The following TNIK variants were observed in gnomAD, a reference collection of about 807,000 sequenced individuals.
TNIK encodes TRAF2 and NCK interacting kinase, also known as TRAF2 and NCK-interacting protein kinase.
A neutral mutation model predicts 191.3 loss-of-function variants in TNIK; 49 were observed. The observed-to-expected ratio is 0.26, with a 90% CI of 0.20 to 0.32. TNIK has a LOEUF of 0.32. Among genes scored for constraint, TNIK ranks in the 10% least tolerant of loss-of-function variants. The probability of loss-of-function intolerance (pLI) is 1.00; values close to 1 mark genes in which losing one functional copy is unlikely to be tolerated. For missense variants in TNIK, 1,155 were observed against 1,702.3 expected (o/e 0.68, Z 5.66); for synonymous variants, 594 against 600.9 (o/e 0.99, Z 0.17).
intron 3 of TNIK, among the ~76,000 whole-genome samples, chr3:171,216,290 A>ATT (rs1468445479): frequency 6.6e-6 from 1 of 152,240 alleles, no homozygotes; most frequent in African/African-American, 2.4e-5. Context: ...CAAAAACTAA[A>ATT]TTTTTAAAAT....
intron 2 of TNIK, among the ~76,000 whole-genome samples, chr3:171,306,559 A>C (rs996518495): frequency 6.6e-6 from 1 of 152,182 alleles, no homozygotes; most frequent in African/African-American, 2.4e-5. Context: ...AATTTAAAGA[A>C]GAAAAACTAA....
At chr3:171,105,222 G>A (rs1157045264) in intron 21 of TNIK, among the ~76,000 whole-genome samples, 1 of 152,208 alleles carries the variant, frequency 6.6e-6, no homozygotes, top group Non-Finnish European at 1.5e-5. Context: ...TATGAATGGA[G>A]AAGGGAGAAA....
At chr3:171,336,663 T>C (rs1756981865) in intron 2 of TNIK, among the ~76,000 whole-genome samples, 2 of 152,166 alleles carry the variant, frequency 1.3e-5, no homozygotes, top group Admixed American at 6.5e-5. Context: ...ATAAGTGTCC[T>C]TGGGATCAGT....
chr3:171,184,041 G>A (rs868181259), intron 7 of TNIK, among the ~76,000 whole-genome samples: 1 of 151,564 alleles, frequency 6.6e-6, no homozygotes, highest in South Asian at 2.1e-4. Flanking sequence ...CCAAGTGGTG[G>A]ACACTGTATT....
intron 1 of TNIK, among the ~76,000 whole-genome samples, chr3:171,424,688 A>G (rs1424823676): frequency 6.6e-5 from 10 of 152,214 alleles, no homozygotes; most frequent in South Asian, 6.2e-4. Context: ...TTGTAGGAAC[A>G]TGGATGAAGC....
intron 2 of TNIK, among the ~76,000 whole-genome samples, chr3:171,244,918 A>C (rs1218791320): frequency 6.6e-6 from 1 of 151,942 alleles, no homozygotes; most frequent in African/African-American, 2.4e-5. Flanking sequence ...AAATTACTAC[A>C]AGATTATGAA....
At chr3:171,171,348 A>G (rs1041443995) in intron 9 of TNIK, among the ~76,000 whole-genome samples, 4 of 152,152 alleles carry the variant, frequency 2.6e-5, no homozygotes, top group African/African-American at 9.7e-5. Context: ...CCCACCAAGA[A>G]TCAGAACTGG....
At chr3:171,081,708 T>C (rs75722194) in intron 27 of TNIK, among the ~76,000 whole-genome samples, 2 of 151,310 alleles carry the variant, frequency 1.3e-5, no homozygotes, top group Admixed American at 6.6e-5. Flanking sequence ...TTTTTTTTTT[T>C]CCTATATAAG....
chr3:171,180,302 G>A (rs746683742), intron 7 of TNIK, among the ~76,000 whole-genome samples: 100 of 152,032 alleles, frequency 6.6e-4, no homozygotes, highest in Non-Finnish European at 1.2e-3. Flanking sequence ...TGTTCTCAAC[G>A]AGGACCCCTG....
intron 9 of TNIK, among the ~76,000 whole-genome samples, chr3:171,174,408 C>T (rs899367147): frequency 6.6e-6 from 1 of 152,138 alleles, no homozygotes; most frequent in African/African-American, 2.4e-5. Context: ...GAATTGACCT[C>T]AGACCATGAG....
At chr3:171,385,097 C>T (rs750099098) in intron 1 of TNIK, among the ~76,000 whole-genome samples, 7 of 152,040 alleles carry the variant, frequency 4.6e-5, no homozygotes, top group Non-Finnish European at 1.0e-4. Context: ...GAAGGGCACA[C>T]GGAGGTCAAA....
intron 2 of TNIK, among the ~76,000 whole-genome samples, chr3:171,276,547 G>A (rs1174191486): frequency 1.3e-5 from 2 of 152,158 alleles, no homozygotes; most frequent in African/African-American, 4.8e-5. Context: ...AAACTATAAT[G>A]ATCATTAGCT....
At chr3:171,250,444 G>A (rs2109079590) in intron 2 of TNIK, among the ~76,000 whole-genome samples, 1 of 152,222 alleles carries the variant, frequency 6.6e-6, no homozygotes, top group South Asian at 2.1e-4. Flanking sequence ...TCTAAATCAT[G>A]CCCTTTAAAA....
At chr3:171,097,680 A>AG in intron 22 of TNIK, among the ~76,000 whole-genome samples, 1 of 152,312 alleles carries the variant, frequency 6.6e-6, no homozygotes, top group East Asian at 1.9e-4. Context: ...CATGATTGTG[A>AG]GGCCCCCCTA....
chr3:171,186,824 C>T (rs1737424044), intron 7 of TNIK, among the ~76,000 whole-genome samples: 1 of 152,188 alleles, frequency 6.6e-6, no homozygotes, highest in African/African-American at 2.4e-5. Context: ...TTTGCCCATA[C>T]CTAGAGTTAT....
chr3:171,078,701 G>A (rs1483669917), intron 28 of TNIK, among the ~76,000 whole-genome samples: 1 of 151,956 alleles, frequency 6.6e-6, no homozygotes, highest in Non-Finnish European at 1.5e-5. Flanking sequence ...TTATCTTTAG[G>A]GTAGTTAGGC....
chr3:171,442,658 C>T (rs1224657922), intron 1 of TNIK, among the ~76,000 whole-genome samples: 1 of 152,156 alleles, frequency 6.6e-6, no homozygotes, highest in African/African-American at 2.4e-5. Flanking sequence ...TGATGAGGAC[C>T]TATAATAATT....
Position 171,063,668 on chromosome 3 carries a change from G to A in TNIK, c.*213C>T. 1 of 472,260 alleles carries A rather than the reference G, an allele frequency of 2.1e-6. No homozygotes were observed. Among genetic ancestry groups the A allele is most frequent in the Non-Finnish European group, 3.7e-6 (1 of 267,496 alleles). 29.3% of individuals were successfully genotyped at this position (472,260 alleles called of 1,614,324 possible). On this transcript the variant is annotated 3_prime_UTR_variant, in exon 33 of 33. Transcript: ENST00000436636. Reference sequence around the variant, plus strand: ...AAGGCAGCATTCTTGGGGATCTCCTGGAAATTCCTGCCACCTTTTTCTCTC... The same window carrying A: ...AAGGCAGCATTCTTGGGGATCTCCTAGAAATTCCTGCCACCTTTTTCTCTC...
intron 1 of TNIK, among the ~76,000 whole-genome samples, chr3:171,409,509 G>A (rs1296726059): frequency 6.6e-6 from 1 of 151,972 alleles, no homozygotes; most frequent in Non-Finnish European, 1.5e-5. Flanking sequence ...TTGATTTTTA[G>A]AATGGCCATG....
Sources: gnomAD v4.1 joint callset for allele counts (sites outside exome capture counted in the v4.1 genomes callset) on GRCh38, gnomAD v4.1.1 for gene constraint, MANE v1.5 for transcripts, NCBI Gene and HGNC (gene_info 2026-07-23, HGNC 2026-07-21) for gene names.